MBNL1: variants seen among roughly 807,000 people sequenced by gnomAD.
The protein encoded by MBNL1 is muscleblind-like protein 1.
Under a neutral mutation model 42.2 loss-of-function variants are expected in MBNL1, and 8 were observed. That is an observed-to-expected ratio of 0.19 (90% CI 0.11 to 0.34). MBNL1 has a LOEUF of 0.34. MBNL1 is among the 10% of genes least tolerant of loss of function. The pLI is 1.00. For missense variants in MBNL1, 309 were observed against 495.3 expected (o/e 0.62, Z 3.57); for synonymous variants, 169 against 173.9 (o/e 0.97, Z 0.22).
chr3:152,247,441 TGA>T (rs1186393149), intron 2 of MBNL1, among the ~76,000 whole-genome samples: 1 of 151,964 alleles, frequency 6.6e-6, no homozygotes, highest in Non-Finnish European at 1.5e-5. Flanking sequence ...ATCATTTTCA[TGA>T]TACATGAAAA....
chr3:152,439,573 A>G (rs1384701402), intron 4 of MBNL1, among the ~76,000 whole-genome samples: 1 of 152,198 alleles, frequency 6.6e-6, no homozygotes, highest in African/African-American at 2.4e-5. Flanking sequence ...TATATCTGTA[A>G]TAAACTTTAG....
intron 2 of MBNL1, among the ~76,000 whole-genome samples, chr3:152,347,762 A>ATC (rs2094468580): frequency 6.6e-6 from 1 of 152,148 alleles, no homozygotes; most frequent in Non-Finnish European, 1.5e-5. Context: ...GGTTGAACAA[A>ATC]TCTAATAAAG....
chr3:152,387,742 A>G (rs1171726740), intron 2 of MBNL1, among the ~76,000 whole-genome samples: 1 of 152,112 alleles, frequency 6.6e-6, no homozygotes, highest in African/African-American at 2.4e-5. Flanking sequence ...TTTCCTGAGC[A>G]GTTATGACTC....
intron 2 of MBNL1, among the ~76,000 whole-genome samples, chr3:152,400,380 G>GTCAGGT (rs1422766412): frequency 6.6e-6 from 1 of 152,152 alleles, no homozygotes; most frequent in Admixed American, 6.5e-5. Flanking sequence ...AAGCAATATT[G>GTCAGGT]TCAGGTTAAC....
At chr3:152,351,895 G>T (rs2095041107) in intron 2 of MBNL1, among the ~76,000 whole-genome samples, 1 of 152,154 alleles carries the variant, frequency 6.6e-6, no homozygotes, top group African/African-American at 2.4e-5. Context: ...ATATTTTGGA[G>T]ATTCAAAAGT....
chr3:152,455,858 AT>A (rs1280877629), intron 7 of MBNL1, among the ~76,000 whole-genome samples: 1 of 152,058 alleles, frequency 6.6e-6, no homozygotes, highest in Admixed American at 6.5e-5. Flanking sequence ...TATACTGTAT[AT>A]TTTTATAATA....
At chr3:152,404,710 A>G (rs2098375282) in intron 2 of MBNL1, among the ~76,000 whole-genome samples, 1 of 150,798 alleles carries the variant, frequency 6.6e-6, no homozygotes, top group South Asian at 2.1e-4. Context: ...GTATGTATAT[A>G]TACACACACA....
chr3:152,360,008 G>A (rs1240440689), intron 2 of MBNL1, among the ~76,000 whole-genome samples: 1 of 152,144 alleles, frequency 6.6e-6, no homozygotes, highest in Non-Finnish European at 1.5e-5. Context: ...GTTCAGCTTT[G>A]CCCAGGATAC....
chr3:152,291,608 G>A (rs907304582), intron 1 of MBNL1, among the ~76,000 whole-genome samples: 5 of 152,292 alleles, frequency 3.3e-5, no homozygotes, highest in African/African-American at 1.2e-4. Flanking sequence ...TCTGGGCCAG[G>A]CATTGTTTTG....
chr3:152,410,764 C>A (rs966726122), intron 2 of MBNL1, among the ~76,000 whole-genome samples: 3 of 152,192 alleles, frequency 2.0e-5, no homozygotes, highest in African/African-American at 7.2e-5. Flanking sequence ...AGAAACGTAA[C>A]GTTGTAAAAA....
chr3:152,386,937 G>A (rs764803883), intron 2 of MBNL1, among the ~76,000 whole-genome samples: 2 of 152,082 alleles, frequency 1.3e-5, no homozygotes, highest in Admixed American at 6.5e-5. Flanking sequence ...GAATCAATGT[G>A]GTGCAGAATG....
intron 2 of MBNL1, among the ~76,000 whole-genome samples, chr3:152,306,639 A>T (rs1157299727): frequency 1.3e-5 from 2 of 152,100 alleles, no homozygotes; most frequent in African/African-American, 4.8e-5. Flanking sequence ...ATTTATTATT[A>T]TTTTAAAAAA....
At chr3:152,274,463 G>T (rs1236454374) in intron 1 of MBNL1, among the ~76,000 whole-genome samples, 1 of 152,096 alleles carries the variant, frequency 6.6e-6, no homozygotes, top group Non-Finnish European at 1.5e-5. Flanking sequence ...ATAAACAATG[G>T]CTGGGTAACA....
At chr3:152,310,128 T>C (rs1169718503) in intron 2 of MBNL1, among the ~76,000 whole-genome samples, 1 of 152,228 alleles carries the variant, frequency 6.6e-6, no homozygotes, top group South Asian at 2.1e-4. Flanking sequence ...TTATGTGTGC[T>C]GTAAAAGACT....
chr3:152,348,058 T>C (rs1017996318), intron 2 of MBNL1, among the ~76,000 whole-genome samples: 1 of 152,106 alleles, frequency 6.6e-6, no homozygotes, highest in East Asian at 1.9e-4. Context: ...GAGTCATAGA[T>C]TTTAAAAATT....
upstream of MBNL1, chr3:152,267,222 T>G (rs2037427101): frequency 1.3e-5 from 2 of 152,722 alleles, no homozygotes; most frequent in Non-Finnish European, 1.5e-5. Flanking sequence ...CCTGCCCTGC[T>G]CTTTTCTCTT....
At chr3:152,329,937 C>T (rs960619657) in intron 2 of MBNL1, among the ~76,000 whole-genome samples, 3 of 151,632 alleles carry the variant, frequency 2.0e-5, no homozygotes, top group Non-Finnish European at 2.9e-5. Context: ...TATGAATTCT[C>T]TAAAAAATAT....
At chr3:152,382,254 GATTT>G (rs1371941632) in intron 2 of MBNL1, among the ~76,000 whole-genome samples, 3 of 152,034 alleles carry the variant, frequency 2.0e-5, no homozygotes, top group Non-Finnish European at 4.4e-5. Context: ...CTCAGACAAT[GATTT>G]ATTTATTAAA....
At chr3:152,287,721 T>C (rs2053402925) in intron 1 of MBNL1, among the ~76,000 whole-genome samples, 1 of 152,214 alleles carries the variant, frequency 6.6e-6, no homozygotes, top group South Asian at 2.1e-4. Flanking sequence ...TTTCAGTTTA[T>C]TAGCTAGCTA....
Sources: gnomAD v4.1 joint callset for allele counts (sites outside exome capture counted in the v4.1 genomes callset) on GRCh38, gnomAD v4.1.1 for gene constraint, MANE v1.5 for transcripts, NCBI Gene and HGNC (gene_info 2026-07-23, HGNC 2026-07-21) for gene names.